Variants in PTPRD observed in about 807,000 individuals in gnomAD.
PTPRD encodes receptor-type tyrosine-protein phosphatase delta.
Under a neutral mutation model 214.5 loss-of-function variants are expected in PTPRD, and 34 were observed. The ratio of observed to expected loss-of-function variants is 0.16; its 90% CI spans 0.12 to 0.21. PTPRD has a LOEUF of 0.21. PTPRD is among the 10% of genes least tolerant of loss of function. PTPRD has a pLI of 1.00. For synonymous variants in PTPRD, 1,128 were observed against 845.7 expected (o/e 1.33, Z -5.79); for missense variants, 2,545 against 2,398.7 (o/e 1.06, Z -1.27).
chr9:9,370,026 G>C (rs972294165), intron 9 of PTPRD, among the ~76,000 whole-genome samples: 1 of 152,162 alleles, frequency 6.6e-6, no homozygotes, highest in Non-Finnish European at 1.5e-5. Context: ...TTGTAGTATA[G>C]TTTGAAGTCA....
intron 12 of PTPRD, among the ~76,000 whole-genome samples, chr9:8,689,793 G>T (rs979969764): frequency 6.6e-6 from 1 of 152,084 alleles, no homozygotes; most frequent in African/African-American, 2.4e-5. Context: ...AGTGAAGAGG[G>T]AATACTTATT....
intron 11 of PTPRD, among the ~76,000 whole-genome samples, chr9:8,856,253 G>A (rs1291218260): frequency 6.6e-6 from 1 of 152,054 alleles, no homozygotes; most frequent in Non-Finnish European, 1.5e-5. Flanking sequence ...TCAAGTTTTG[G>A]TATATCATCC....
chr9:9,020,553 T>C (rs1434026552), intron 10 of PTPRD, among the ~76,000 whole-genome samples: 1 of 152,182 alleles, frequency 6.6e-6, no homozygotes, highest in East Asian at 1.9e-4. Context: ...GCCAGGTTTG[T>C]GGCTTGAACA....
intron 11 of PTPRD, among the ~76,000 whole-genome samples, chr9:8,975,173 T>C (rs1294281691): frequency 6.6e-6 from 1 of 151,426 alleles, no homozygotes; most frequent in Non-Finnish European, 1.5e-5. Context: ...AATGGATACA[T>C]ATTGAATATA....
rs1317201566 is a variant in PTPRD at position 10,261,291 on chromosome 9, G to GA, written c.-545+79671dup. On this transcript the variant is annotated intron_variant, in intron 3 of 45. Coordinates refer to ENST00000381196, the MANE Select transcript of PTPRD (RefSeq NM_002839.4). ...CACGTGACACATGCTTTTTCAAATG[G>GA]AAAAAAAAGAAATGCTCTATGTCAT... Among the ~76,000 whole-genome samples, 4 of 151,034 alleles carry GA rather than the reference G, an allele frequency of 2.6e-5. No individual in the cohort carries two copies. In the East Asian group the frequency reaches 5.8e-4, roughly 22 times the overall value.
intron 43 of PTPRD, 42 bp from the exon 44 acceptor site, chr9:8,331,778 C>T (rs771449906): frequency 2.0e-6 from 3 of 1,528,450 alleles, no homozygotes; most frequent in Admixed American, 4.4e-5. Context: ...AAGGAAGACG[C>T]CAGGAGGATT....
intron 8 of PTPRD, among the ~76,000 whole-genome samples, chr9:9,405,326 G>C (rs1038804956): frequency 1.3e-5 from 2 of 152,086 alleles, no homozygotes; most frequent in East Asian, 1.9e-4. Flanking sequence ...CCTTGATTAA[G>C]GTGATGGATT....
In PTPRD at chr9:8,518,511, T is replaced by C. The variant is rs142424464; in HGVS notation, c.962-82A>G. On this transcript the variant is annotated intron_variant, in intron 20 of 45. Coordinates refer to ENST00000381196, the MANE Select transcript of PTPRD (RefSeq NM_002839.4). ...AAATCTATAAACTCTACTATGAAAA[T>C]GACAGGATTATGTATCTACTGAAGA... 396 of 1,017,664 alleles carry C rather than the reference T, an allele frequency of 3.9e-4. 3 individuals carry two copies. In the African/African-American group the frequency reaches 5.5e-3, roughly 14 times the overall value. The allele number at this position is 1,017,664 out of a possible 1,614,324, so 63.0% of individuals were successfully genotyped here. A position where few individuals can be genotyped will look rare whatever the true frequency, so the allele number is the denominator to read the frequency against.
chr9:10,457,619 A>T (rs550802597), intron 2 of PTPRD, among the ~76,000 whole-genome samples: 27 of 152,122 alleles, frequency 1.8e-4, no homozygotes, highest in African/African-American at 6.0e-4. Flanking sequence ...CTATTACTGG[A>T]TCAAAGAGAC....
intron 12 of PTPRD, among the ~76,000 whole-genome samples, chr9:8,655,739 C>CT (rs150786854): frequency 0.016 from 2,284 of 143,040 alleles, 26 homozygotes; most frequent in Middle Eastern, 0.051. Context: ...TTCCCACTTG[C>CT]TTTTTTTTTT....
At chr9:9,087,728 C>G (rs1439963600) in intron 10 of PTPRD, among the ~76,000 whole-genome samples, 2 of 151,894 alleles carry the variant, frequency 1.3e-5, no homozygotes, top group African/African-American at 4.8e-5. Context: ...GTAATTTTTC[C>G]AAAGTTAAAT....
intron 5 of PTPRD, among the ~76,000 whole-genome samples, chr9:9,915,890 C>A (rs1049472609): frequency 6.6e-6 from 1 of 151,850 alleles, no homozygotes; most frequent in African/African-American, 2.4e-5. Flanking sequence ...ATTGATTCAG[C>A]CCAAACAGGT....
chr9:9,523,654 T>G (rs548749146), intron 8 of PTPRD, among the ~76,000 whole-genome samples: 1 of 152,272 alleles, frequency 6.6e-6, no homozygotes, highest in Admixed American at 6.5e-5. Flanking sequence ...AAGGGCTGTT[T>G]TCAGTTCGAC....
chr9:8,600,434 G>A (rs570605339), intron 14 of PTPRD, among the ~76,000 whole-genome samples: 3 of 152,066 alleles, frequency 2.0e-5, no homozygotes, highest in Non-Finnish European at 2.9e-5. Flanking sequence ...AGCCTGGGTA[G>A]TTAAGGGAGT....
chr9:8,478,501 G>GT (rs1210755051), intron 30 of PTPRD, among the ~76,000 whole-genome samples: 1 of 151,106 alleles, frequency 6.6e-6, no homozygotes, highest in East Asian at 1.9e-4. Flanking sequence ...CCTTCTGGTA[G>GT]TTTTTTCTCC....
intron 10 of PTPRD, among the ~76,000 whole-genome samples, chr9:9,083,586 A>T (rs1007274242): frequency 2.0e-5 from 3 of 152,194 alleles, no homozygotes; most frequent in Non-Finnish European, 2.9e-5. Flanking sequence ...TTTGCACAGC[A>T]AAAGAAACTA....
chr9:10,490,660 G>C (rs532487670), intron 2 of PTPRD, among the ~76,000 whole-genome samples: 1 of 152,130 alleles, frequency 6.6e-6, no homozygotes, highest in South Asian at 2.1e-4. Flanking sequence ...TTCTCCTTAT[G>C]TAAGTTACAG....
chr9:8,776,546 C>A (rs1415115296), intron 11 of PTPRD, among the ~76,000 whole-genome samples: 1 of 150,700 alleles, frequency 6.6e-6, no homozygotes, highest in Non-Finnish European at 1.5e-5. Context: ...GATCTGCCGG[C>A]CTCCCAAAGT....
intron 12 of PTPRD, among the ~76,000 whole-genome samples, chr9:8,650,041 C>G (rs1429708267): frequency 1.3e-5 from 2 of 152,040 alleles, no homozygotes; most frequent in Non-Finnish European, 2.9e-5. Flanking sequence ...GCTCAAACTC[C>G]CGAGCAGCGA....
Sources: allele counts gnomAD v4.1 joint callset (sites outside exome capture counted in the v4.1 genomes callset), GRCh38; gene constraint gnomAD v4.1.1; transcripts MANE v1.5; gene names NCBI Gene and HGNC (gene_info 2026-07-23, HGNC 2026-07-21).